SLCO3A1: variants seen among roughly 807,000 people sequenced by gnomAD.
The protein encoded by SLCO3A1 is PGE1 transporter.
A neutral mutation model predicts 63.1 loss-of-function variants in SLCO3A1; 27 were observed. The ratio of observed to expected loss-of-function variants is 0.43; its 90% CI spans 0.32 to 0.59. The LOEUF is 0.59. SLCO3A1 is among the 20% of genes least tolerant of loss of function. SLCO3A1 has a pLI of 0.09. For synonymous variants in SLCO3A1, 473 were observed against 409.9 expected (o/e 1.15, Z -1.86); for missense variants, 773 against 945.8 (o/e 0.82, Z 2.40).
At position 92,033,542 on chromosome 15, in the gene SLCO3A1, AC is replaced by A. The variant is rs1453873634; in HGVS notation, c.647-61338del. Among the ~76,000 whole-genome samples, 3 of 152,174 alleles carry A rather than the reference AC, an allele frequency of 2.0e-5. No homozygotes were observed. Among genetic ancestry groups the A allele is most frequent in the African/African-American group, 7.2e-5 (3 of 41,452 alleles). ...GAGCAGAGGGTGACTTCCAGCTGGGACTGGCATGTGTTCGTTCAGCCCGAGC... is the reference window on the plus strand; with the variant it reads ...GAGCAGAGGGTGACTTCCAGCTGGGATGGCATGTGTTCGTTCAGCCCGAGC... On this transcript the variant is annotated intron_variant, in intron 2 of 9. Transcript: ENST00000318445. This position sits in a 1 kb window ranked among gnomAD's most constrained non-coding sequence, Gnocchi z 4.5.
intron 2 of SLCO3A1, among the ~76,000 whole-genome samples, chr15:92,051,568 G>C (rs1322382095): frequency 2.6e-5 from 4 of 152,160 alleles, no homozygotes; most frequent in Non-Finnish European, 5.9e-5. Context: ...CAAGCCTGGA[G>C]AGGGAGGGAG....
chr15:91,925,336 A>G (rs1180085549), intron 2 of SLCO3A1, among the ~76,000 whole-genome samples: 1 of 152,196 alleles, frequency 6.6e-6, no homozygotes, highest in Non-Finnish European at 1.5e-5. Context: ...TGCTATTGTT[A>G]ACACTGGGAT....
At chr15:92,045,172 C>T (rs2046845374) in intron 2 of SLCO3A1, among the ~76,000 whole-genome samples, 2 of 151,394 alleles carry the variant, frequency 1.3e-5, no homozygotes, top group African/African-American at 2.4e-5. Flanking sequence ...CCCAGCTACT[C>T]GGGAGGCTGA....
intron 9 of SLCO3A1, among the ~76,000 whole-genome samples, chr15:92,151,746 A>T (rs1400840829): frequency 6.6e-6 from 1 of 152,202 alleles, no homozygotes; most frequent in East Asian, 1.9e-4. Flanking sequence ...TTCCTTGAAT[A>T]ATAGGACAGT....
intron 2 of SLCO3A1, among the ~76,000 whole-genome samples, chr15:91,947,191 T>G (rs1025102577): frequency 1.3e-5 from 2 of 152,218 alleles, no homozygotes; most frequent in Non-Finnish European, 2.9e-5. Context: ...TTGCCCCTTC[T>G]GGGACCTCCC....
At chr15:91,874,741 TC>T (rs1020447464) in intron 1 of SLCO3A1, among the ~76,000 whole-genome samples, 1 of 152,220 alleles carries the variant, frequency 6.6e-6, no homozygotes, top group Non-Finnish European at 1.5e-5. Flanking sequence ...CCCCACTTTT[TC>T]CCCACTAGGT....
intron 1 of SLCO3A1, among the ~76,000 whole-genome samples, chr15:91,908,935 C>A (rs1898397480): frequency 6.6e-6 from 1 of 152,098 alleles, no homozygotes; most frequent in Non-Finnish European, 1.5e-5. Context: ...GTGGCGGGTG[C>A]CTGTAATCCC....
Position 92,165,704 on chromosome 15 carries a change from A to T in SLCO3A1, c.*2569A>T, listed in dbSNP as rs1302169797. 1.0e-6 allele frequency: 1 copy of T among 985,126 alleles called. No homozygotes were observed. The highest frequency in any genetic ancestry group is 1.2e-6 in the Non-Finnish European group (1 of 829,768). 61.0% of individuals were successfully genotyped at this position (985,126 alleles called of 1,614,324 possible). On this transcript the variant is annotated 3_prime_UTR_variant, in exon 10 of 10. Transcript: ENST00000318445. ...TGTGTCGTCTTTTAAAATTTTAATT[A>T]TTCTCATATAGTACCGAACAGAAAA...
In SLCO3A1 at chr15:91,900,066, A is replaced by G. The variant is rs1363240777; in HGVS notation, c.181-15927A>G. Among the ~76,000 whole-genome samples, 3 of 152,066 alleles carry G rather than the reference A, an allele frequency of 2.0e-5. No individual in the cohort carries two copies. The highest frequency in any genetic ancestry group is 4.4e-5 in the Non-Finnish European group (3 of 68,010). On this transcript the variant is annotated intron_variant, in intron 1 of 9. Coordinates refer to ENST00000318445, the MANE Select transcript of SLCO3A1 (RefSeq NM_013272.4). The surrounding 1 kb of genome is among the most constrained non-coding windows in gnomAD (Gnocchi z 4.3). Reference sequence around the variant, plus strand: ...TTGTTTCTCTGTTAACCATTCATGGATGTTTGAGTTGTTCCCAATGTGATG... The same window carrying G: ...TTGTTTCTCTGTTAACCATTCATGGGTGTTTGAGTTGTTCCCAATGTGATG...
intron 2 of SLCO3A1, among the ~76,000 whole-genome samples, chr15:91,969,636 C>G (rs1900786176): frequency 6.6e-6 from 1 of 152,136 alleles, no homozygotes; most frequent in Non-Finnish European, 1.5e-5. Flanking sequence ...GTCTTTCTAT[C>G]AAAAACATTA....
At chr15:92,003,709 G>A (rs965074747) in intron 2 of SLCO3A1, among the ~76,000 whole-genome samples, 2 of 152,204 alleles carry the variant, frequency 1.3e-5, no homozygotes, top group Non-Finnish European at 2.9e-5. Context: ...GAGTGATACA[G>A]TAGGTATACA....
intron 2 of SLCO3A1, among the ~76,000 whole-genome samples, chr15:91,970,177 G>A (rs539333129): frequency 2.0e-5 from 3 of 152,324 alleles, no homozygotes; most frequent in Non-Finnish European, 2.9e-5. Context: ...AAAACACTTC[G>A]TGAGCAAGCA....
At chr15:92,077,225 G>A (rs2047288714) in intron 2 of SLCO3A1, among the ~76,000 whole-genome samples, 1 of 152,194 alleles carries the variant, frequency 6.6e-6, no homozygotes, top group Non-Finnish European at 1.5e-5. Context: ...AATTCAAGAT[G>A]AGATTTGGGT....
intron 2 of SLCO3A1, among the ~76,000 whole-genome samples, chr15:91,995,141 C>T (rs2046175420): frequency 6.6e-6 from 1 of 152,172 alleles, no homozygotes; most frequent in Admixed American, 6.5e-5. Flanking sequence ...AGCGGCTCTG[C>T]TGGCTCTGTG....
At position 91,880,170 on chromosome 15, in the gene SLCO3A1, C is replaced by CATCCATCTATCTATCTATCT. The variant is rs1337739872; in HGVS notation, c.180+26085_180+26086insCATCTATCTATCTATCTATC. On this transcript the variant is annotated intron_variant, in intron 1 of 9. Coordinates refer to ENST00000318445, the MANE Select transcript of SLCO3A1 (RefSeq NM_013272.4). ...CCATCCATCCATCCATCCATCCATC[C>CATCCATCTATCTATCTATCT]ATCTATCTATCTATCTATCTATCTA... 6.6e-4 allele frequency among the ~76,000 whole-genome samples: 83 copies of CATCCATCTATCTATCTATCT among 126,246 alleles called. 1 individual carries two copies. Among genetic ancestry groups the CATCCATCTATCTATCTATCT allele is most frequent in the East Asian group, 6.4e-3 (26 of 4,052 alleles). 82.8% of individuals were successfully genotyped at this position (126,246 alleles called of 152,430 possible). A position where few individuals can be genotyped will look rare whatever the true frequency, so the allele number is the denominator to read the frequency against.
At chr15:91,913,592 C>T (rs1437575383) in intron 1 of SLCO3A1, among the ~76,000 whole-genome samples, 2 of 69,838 alleles carry the variant, frequency 2.9e-5, no homozygotes, top group Non-Finnish European at 5.5e-5. Flanking sequence ...CTGGCTATAG[C>T]ATTTTTTTGG....
intron 2 of SLCO3A1, among the ~76,000 whole-genome samples, chr15:92,049,652 A>G (rs2046933231): frequency 1.3e-5 from 2 of 152,200 alleles, no homozygotes; most frequent in African/African-American, 2.4e-5. Flanking sequence ...GATCTTTACC[A>G]AGACTTAATG....
chr15:92,069,157 T>G (rs2047187577), intron 2 of SLCO3A1, among the ~76,000 whole-genome samples: 1 of 135,430 alleles, frequency 7.4e-6, no homozygotes, highest in South Asian at 2.7e-4. Context: ...GGAGATAATT[T>G]TGGTTGTCAT....
chr15:91,976,932 C>A (rs28434706), intron 2 of SLCO3A1, among the ~76,000 whole-genome samples: 23,832 of 152,038 alleles, frequency 0.16, 2,719 homozygotes, highest in African/African-American at 0.32. Context: ...AAAATTGCTA[C>A]TGAAGTTTCA....
Sources: gnomAD v4.1 joint callset for allele counts (sites outside exome capture counted in the v4.1 genomes callset) on GRCh38, gnomAD v4.1.1 for gene constraint, Gnocchi (gnomAD v3.1) non-coding constraint, MANE v1.5 for transcripts, NCBI Gene and HGNC (gene_info 2026-07-23, HGNC 2026-07-21) for gene names.